The following GPC3 variants were observed in gnomAD, a reference collection of about 807,000 sequenced individuals.
The protein encoded by GPC3 is glypican-3.
In GPC3, 3 loss-of-function variants were observed where a neutral mutation model predicts 34.4. The ratio of observed to expected loss-of-function variants is 0.09; its 90% CI spans 0.04 to 0.23. The LOEUF (loss-of-function observed/expected upper bound fraction) is 0.23, where lower values mean the gene tolerates loss of function less well. GPC3 is among the 10% of genes least tolerant of loss of function. GPC3 has a pLI of 1.00. For synonymous variants in GPC3, 177 were observed against 174.0 expected (o/e 1.02, Z -0.13); for missense variants, 351 against 445.6 (o/e 0.79, Z 1.91).
At chrX:133,621,282 C>T (rs1307344310) in intron 6 of GPC3, among the ~76,000 whole-genome samples, 4 of 111,617 alleles carry the variant, frequency 3.6e-5, no homozygotes, top group African/African-American at 6.5e-5. Context: ...ACTGAGGTAC[C>T]GGGTTCATCT....
intron 7 of GPC3, among the ~76,000 whole-genome samples, chrX:133,585,498 G>A (rs2069779746): frequency 9.0e-6 from 1 of 111,077 alleles, no homozygotes; most frequent in African/African-American, 3.3e-5. Context: ...GTTTATCATG[G>A]AAACTTTGGA....
chrX:133,898,381 G>C (rs1210645865), intron 2 of GPC3, among the ~76,000 whole-genome samples: 1 of 112,059 alleles, frequency 8.9e-6, no homozygotes, highest in Non-Finnish European at 1.9e-5. Context: ...TCAAATCAGA[G>C]TTTCAGCTCA....
chrX:133,702,152 G>A (rs2124439422), intron 3 of GPC3, among the ~76,000 whole-genome samples: 1 of 111,875 alleles, frequency 8.9e-6, no homozygotes, highest in East Asian at 2.8e-4. Context: ...GGGCTGCCTA[G>A]CTGGACTGGG....
intron 2 of GPC3, among the ~76,000 whole-genome samples, chrX:133,810,047 G>A (rs868546951): frequency 3.6e-5 from 4 of 111,596 alleles, no homozygotes; most frequent in Non-Finnish European, 5.6e-5. Context: ...ACCAGTTTCC[G>A]GCCCATTTTA....
intron 5 of GPC3, among the ~76,000 whole-genome samples, chrX:133,678,950 TTGTTA>T (rs1328954499): frequency 8.9e-6 from 1 of 111,972 alleles, no homozygotes; most frequent in African/African-American, 3.2e-5. Flanking sequence ...ATTCCCAGCA[TTGTTA>T]TTATATGTGT....
chrX:133,948,435 C>A (rs2076378778), intron 2 of GPC3, among the ~76,000 whole-genome samples: 1 of 110,340 alleles, frequency 9.1e-6, no homozygotes. Context: ...ACGCTGCCCT[C>A]CCCCCCATTC....
In GPC3 at chrX:133,625,034, C is replaced by T. The variant is rs190580410; in HGVS notation, c.1414-28435G>A. ...ACATATGCAAATCAATAAATGTAAT[C>T]CATCATATAAACAGAAACAAAGACA... is the stretch of plus-strand genomic sequence containing the variant. On this transcript the variant is annotated intron_variant, in intron 6 of 7. Coordinates refer to ENST00000370818, the MANE Select transcript of GPC3 (RefSeq NM_004484.4). Among the ~76,000 whole-genome samples the T allele has an allele frequency of 8.1e-5, 9 of 111,785 alleles. No individual in the cohort carries two copies. The Admixed American group carries it at 8.6e-4, about 11-fold the overall frequency.
chrX:133,583,112 G>A (rs2124314578), intron 7 of GPC3, among the ~76,000 whole-genome samples: 1 of 111,730 alleles, frequency 9.0e-6, no homozygotes, highest in African/African-American at 3.2e-5. Flanking sequence ...TTGGTGACAT[G>A]TGCTCATAGA....
chrX:133,784,367 A>T (rs1264470148), intron 2 of GPC3, among the ~76,000 whole-genome samples: 3 of 111,973 alleles, frequency 2.7e-5, no homozygotes, highest in Non-Finnish European at 5.6e-5. Flanking sequence ...CCTGAGTATC[A>T]TGCAGAGAGG....
In GPC3 at chrX:133,839,766, T is replaced by C. The variant is rs1460841960; in HGVS notation, c.338-85590A>G. Among the ~76,000 whole-genome samples the C allele has an allele frequency of 3.7e-5, 4 of 108,336 alleles. No homozygotes were observed. The East Asian group carries it at 8.8e-4, about 24-fold the overall frequency. The allele number at this position is 108,336 out of a possible 115,157, so 94.1% of individuals were successfully genotyped here. ...TAACACGGTGAAACCCTGTCTCTAC[T>C]AAAAATACAAGAAAAATTAGGCGTG... On this transcript the variant is annotated intron_variant, in intron 2 of 7. Transcript: ENST00000370818.
intron 6 of GPC3, among the ~76,000 whole-genome samples, chrX:133,654,047 T>A (rs1183771857): frequency 8.9e-6 from 1 of 111,799 alleles, no homozygotes; most frequent in Non-Finnish European, 1.9e-5. Context: ...AATTCTGCCC[T>A]TTAGCACAGA....
chrX:133,746,573 C>T (rs767066475), intron 3 of GPC3, among the ~76,000 whole-genome samples: 129 of 112,185 alleles, frequency 1.1e-3, no homozygotes, highest in Non-Finnish European at 1.7e-3. Flanking sequence ...TTTAAAACTA[C>T]GTATTTTCTC....
intron 2 of GPC3, among the ~76,000 whole-genome samples, chrX:133,823,973 CAA>C (rs55969744): frequency 2.4e-3 from 184 of 76,494 alleles, no homozygotes; most frequent in Middle Eastern, 6.5e-3. Flanking sequence ...GACTCCATCT[CAA>C]AAAAAAAAAA....
intron 1 of GPC3, among the ~76,000 whole-genome samples, chrX:133,972,807 A>C (rs2076499025): frequency 8.9e-6 from 1 of 111,855 alleles, no homozygotes; most frequent in Non-Finnish European, 1.9e-5. Context: ...CACCAGAAAT[A>C]TAGAACGTTA....
chrX:133,765,007 T>C (rs1320563952), intron 2 of GPC3, among the ~76,000 whole-genome samples: 1 of 112,015 alleles, frequency 8.9e-6, no homozygotes, highest in African/African-American at 3.2e-5. Context: ...GTTCATTCTT[T>C]ACAAAAGAAA....
intron 3 of GPC3, among the ~76,000 whole-genome samples, chrX:133,735,428 C>T (rs765042671): frequency 9.0e-6 from 1 of 111,421 alleles, no homozygotes; most frequent in South Asian, 3.8e-4. Context: ...TGAAGTTGTG[C>T]CACTACCTCA....
chrX:133,692,139 G>C (rs2071070345), intron 5 of GPC3, among the ~76,000 whole-genome samples: 1 of 112,083 alleles, frequency 8.9e-6, no homozygotes, highest in African/African-American at 3.2e-5. Flanking sequence ...AGTAGAGTTG[G>C]GGTTTCACTG....
chrX:133,557,120 C>T (rs911601374), intron 7 of GPC3, among the ~76,000 whole-genome samples: 2 of 107,415 alleles, frequency 1.9e-5, no homozygotes, highest in African/African-American at 3.4e-5. Flanking sequence ...AGTGAAACCC[C>T]GTCTCTACTA....
chrX:133,910,874 A>T (rs2076195470), intron 2 of GPC3, among the ~76,000 whole-genome samples: 1 of 111,734 alleles, frequency 8.9e-6, no homozygotes, highest in African/African-American at 3.3e-5. Flanking sequence ...GAATTTCAGG[A>T]ACAGCCCAAG....
Sources: allele counts gnomAD v4.1 joint callset (sites outside exome capture counted in the v4.1 genomes callset), GRCh38; gene constraint gnomAD v4.1.1; transcripts MANE v1.5; gene names NCBI Gene and HGNC (gene_info 2026-07-23, HGNC 2026-07-21).